TRPS1: variants seen among roughly 807,000 people sequenced by gnomAD.
TRPS1 encodes transcriptional repressor GATA binding 1.
TRPS1 carries 6 observed loss-of-function variants against 101.2 expected under a neutral mutation model. The observed-to-expected ratio is 0.06, with a 90% CI of 0.03 to 0.12. The LOEUF (loss-of-function observed/expected upper bound fraction) is 0.12. TRPS1 is among the 10% of genes least tolerant of loss of function. TRPS1 has a pLI of 1.00. For missense variants in TRPS1, 1,363 were observed against 1,567.0 expected (o/e 0.87, Z 2.20); for synonymous variants, 578 against 589.8 (o/e 0.98, Z 0.29).
At chr8:115,639,593 G>T (rs1183942866) in intron 1 of TRPS1, among the ~76,000 whole-genome samples, 2 of 151,584 alleles carry the variant, frequency 1.3e-5, no homozygotes, top group East Asian at 3.9e-4. Context: ...ACTTTGGAAG[G>T]CCAAGTCGGT....
Position 115,418,440 on chromosome 8 carries a change from A to C in TRPS1, c.2713T>G (p.Ser905Ala). Residue 905 changes from serine to alanine, a missense_variant, in exon 6 of 7, where the codon TCC becomes GCC. Physicochemically the swap from Ser to Ala is moderately conservative, Grantham distance 99 (BLOSUM62 1). Transcript: ENST00000395715. The surrounding 1 kb of genome is among the most constrained non-coding windows in gnomAD (Gnocchi z 4.3). The part of the protein sequence containing the change: ...SQSLLRRRRG[S>A]GVFCANCLTT... ...AGGCAATTGGCACAAAAAACACCGG[A>C]GCCTCTACGCCTCTGAAACAGGGGA... is the stretch of plus-strand genomic sequence containing the variant. 6.2e-7 allele frequency: 1 copy of C among 1,614,156 alleles called. No homozygotes were observed. The highest frequency in any genetic ancestry group is 8.5e-7 in the Non-Finnish European group (1 of 1,180,004).
In TRPS1 at chr8:115,587,238, T is replaced by C. The variant is rs746771956; in HGVS notation, c.2463A>G (p.Gln821=). The change falls in exon 5 of 7, where the codon CAA becomes CAG. Residue 821 remains glutamine (Q), a synonymous_variant. Transcript: ENST00000395715. The part of the protein sequence containing the change: ...DILRGSPSYT[Q]ASLGLLTPVS... ...CAGGCGTCAGCAGCCCCAGGCTTGC[T>C]TGGGTGTATGACGGACTCCCCCGCA... The C allele has an allele frequency of 1.2e-6, 2 of 1,614,218 alleles. No homozygotes were observed. The highest frequency in any genetic ancestry group is 4.5e-5 in the East Asian group (2 of 44,870).
At chr8:115,664,447 A>C (rs1158576204) in intron 1 of TRPS1, among the ~76,000 whole-genome samples, 1 of 152,146 alleles carries the variant, frequency 6.6e-6, no homozygotes, top group African/African-American at 2.4e-5. Flanking sequence ...CAAAGAATTT[A>C]CTTATTTCTG....
At chr8:115,515,613 A>G (rs546163241) in intron 5 of TRPS1, among the ~76,000 whole-genome samples, 1 of 151,570 alleles carries the variant, frequency 6.6e-6, no homozygotes, top group South Asian at 2.1e-4. Context: ...GTAAAAAGTT[A>G]TATTCTAAGT....
intron 5 of TRPS1, among the ~76,000 whole-genome samples, chr8:115,571,198 T>C (rs1332172798): frequency 6.6e-6 from 1 of 152,190 alleles, no homozygotes; most frequent in Admixed American, 6.5e-5. Context: ...TTTAAAATAA[T>C]GGAAAATTGG....
At chr8:115,476,005 C>CTTTTTTTTTTT in intron 5 of TRPS1, among the ~76,000 whole-genome samples, 1 of 40,712 alleles carries the variant, frequency 2.5e-5, no homozygotes, top group Non-Finnish European at 3.8e-5. Context: ...AATATACTTT[C>CTTTTTTTTTTT]TTTTTTTTTT....
intron 1 of TRPS1, among the ~76,000 whole-genome samples, chr8:115,645,466 G>A (rs1042034062): frequency 1.3e-5 from 2 of 152,062 alleles, no homozygotes; most frequent in Non-Finnish European, 2.9e-5. Flanking sequence ...TATCCAGTGA[G>A]AACCACAAAA....
chr8:115,450,977 G>C (rs537639584), intron 5 of TRPS1, among the ~76,000 whole-genome samples: 30 of 152,234 alleles, frequency 2.0e-4, no homozygotes, highest in African/African-American at 7.2e-4. Flanking sequence ...AATTTTTCCT[G>C]TTACCCCAAA....
At chr8:115,492,750 G>T (rs1815059184) in intron 5 of TRPS1, among the ~76,000 whole-genome samples, 1 of 152,108 alleles carries the variant, frequency 6.6e-6, no homozygotes, top group African/African-American at 2.4e-5. Context: ...GTCTCACTCT[G>T]TCACCCAGGC....
At chr8:115,581,229 G>A (rs7012098) in intron 5 of TRPS1, among the ~76,000 whole-genome samples, 7,020 of 151,996 alleles carry the variant, frequency 0.046, 574 homozygotes, top group African/African-American at 0.16. Flanking sequence ...AACCAAAAAC[G>A]GAAGAGAAGA....
At chr8:115,479,508 G>A (rs921110212) in intron 5 of TRPS1, among the ~76,000 whole-genome samples, 2 of 152,048 alleles carry the variant, frequency 1.3e-5, no homozygotes, top group African/African-American at 4.8e-5. Context: ...TGATCAGTGG[G>A]AAAAAACAAG....
At chr8:115,645,710 A>AT (rs1436085810) in intron 1 of TRPS1, among the ~76,000 whole-genome samples, 4 of 152,214 alleles carry the variant, frequency 2.6e-5, no homozygotes, top group Non-Finnish European at 5.9e-5. Context: ...TAATACAAAT[A>AT]TTTTTAAAAA....
chr8:115,636,930 A>G (rs1484080770), intron 1 of TRPS1, among the ~76,000 whole-genome samples: 1 of 111,780 alleles, frequency 8.9e-6, no homozygotes, highest in African/African-American at 7.5e-5. Context: ...AACAAAACAA[A>G]AAAAGCAAAA....
intron 5 of TRPS1, among the ~76,000 whole-genome samples, chr8:115,462,195 A>G (rs1814197729): frequency 6.6e-6 from 1 of 152,250 alleles, no homozygotes; most frequent in Non-Finnish European, 1.5e-5. Context: ...CTCAAGGAAC[A>G]AGATAGCTCC....
chr8:115,639,057 T>C (rs1346884139), intron 1 of TRPS1, among the ~76,000 whole-genome samples: 1 of 152,054 alleles, frequency 6.6e-6, no homozygotes, highest in East Asian at 1.9e-4. Context: ...AATCACTATA[T>C]GATTTTATTT....
At chr8:115,667,572 A>C (rs1308725943) in intron 1 of TRPS1, among the ~76,000 whole-genome samples, 1 of 152,094 alleles carries the variant, frequency 6.6e-6, no homozygotes, top group Admixed American at 6.5e-5. Context: ...ATCGCAGAGG[A>C]AGTCTGCCCC....
intron 5 of TRPS1, among the ~76,000 whole-genome samples, chr8:115,449,339 C>T (rs1045664536): frequency 1.3e-5 from 2 of 152,110 alleles, no homozygotes; most frequent in African/African-American, 4.8e-5. Flanking sequence ...CTGTGCAAAA[C>T]CTATGATGCA....
intron 5 of TRPS1, among the ~76,000 whole-genome samples, chr8:115,433,498 A>C (rs1390893194): frequency 6.6e-6 from 1 of 152,068 alleles, no homozygotes; most frequent in Non-Finnish European, 1.5e-5. Flanking sequence ...TTAATGGTAA[A>C]AGCAGTACTG....
At chr8:115,433,879 A>G (rs979947927) in intron 5 of TRPS1, among the ~76,000 whole-genome samples, 4 of 152,162 alleles carry the variant, frequency 2.6e-5, no homozygotes, top group African/African-American at 9.7e-5. Flanking sequence ...CTTTGTTTCC[A>G]GTGTCTCTGG....
Sources: allele counts gnomAD v4.1 joint callset (sites outside exome capture counted in the v4.1 genomes callset), GRCh38; gene constraint gnomAD v4.1.1; non-coding constraint Gnocchi (gnomAD v3.1); transcripts MANE v1.5; gene names NCBI Gene and HGNC (gene_info 2026-07-23, HGNC 2026-07-21).